SRF: variants seen among roughly 807,000 people sequenced by gnomAD.
The protein encoded by SRF is c-fos serum response element-binding transcription factor.
SRF carries 7 observed loss-of-function variants against 37.1 expected under a neutral mutation model. That is an observed-to-expected ratio of 0.19 (90% confidence interval 0.11 to 0.35). The LOEUF is 0.35. SRF is among the 10% of genes least tolerant of loss of function. SRF has a pLI of 1.00. For synonymous variants in SRF, 285 were observed against 310.1 expected (o/e 0.92, Z 0.85); for missense variants, 395 against 694.4 (o/e 0.57, Z 4.85).
In SRF at chr6:43,172,499, A is replaced by G. The variant is rs920126004; in HGVS notation, c.513+330A>G. On this transcript the variant is annotated intron_variant, in intron 1 of 6. Transcript: ENST00000265354. This position sits in a 1 kb window ranked among gnomAD's most constrained non-coding sequence, Gnocchi z 5.7. ...TACGAGGCTGCCGGGGAGGTGGATA[A>G]TGAGAACCCGGGATCAGTAGGTCCA... 2.9e-5 allele frequency: 28 copies of G among 980,376 alleles called. No homozygotes were observed. The highest frequency in any genetic ancestry group is 3.4e-5 in the Non-Finnish European group (28 of 825,486). 60.7% of individuals were successfully genotyped at this position (980,376 alleles called of 1,614,324 possible).
chr6:43,178,229 TA>T lies in SRF; in HGVS notation c.1163-64del. 2 of 1,479,140 alleles carry T rather than the reference TA, an allele frequency of 1.4e-6. No homozygotes were observed. Among genetic ancestry groups the T allele is most frequent in the Non-Finnish European group, 1.8e-6 (2 of 1,103,542 alleles). The allele number at this position is 1,479,140 out of a possible 1,614,324, so 91.6% of individuals were successfully genotyped here. A position where few individuals can be genotyped will look rare whatever the true frequency, so the allele number is the denominator to read the frequency against. ...GAGGGCTCTGGGGGCCTGGAATTCC[TA>T]GGGACGGAATGGGAGTTATCAGTGG... On this transcript the variant is annotated intron_variant, in intron 4 of 6. Transcript: ENST00000265354. The surrounding 1 kb of genome is among the most constrained non-coding windows in gnomAD (Gnocchi z 4.3).
At position 43,178,225 on chromosome 6, in the gene SRF, T is replaced by C; in HGVS notation, c.1163-69T>C. ...GCAAGAGGGCTCTGGGGGCCTGGAA[T>C]TCCTAGGGACGGAATGGGAGTTATC... On this transcript the variant is annotated intron_variant, in intron 4 of 6. Transcript: ENST00000265354. The surrounding 1 kb of genome is among the most constrained non-coding windows in gnomAD (Gnocchi z 4.3). The C allele has an allele frequency of 6.8e-7, 1 of 1,471,240 alleles. No individual in the cohort carries two copies. Among genetic ancestry groups the C allele is most frequent in the African/African-American group, 1.4e-5 (1 of 71,706 alleles). 91.1% of individuals were successfully genotyped at this position (1,471,240 alleles called of 1,614,324 possible). A position where few individuals can be genotyped will look rare whatever the true frequency, so the allele number is the denominator to read the frequency against.
rs1034424752 is a variant in SRF at position 43,172,912 on chromosome 6, T to C, written c.513+743T>C. On this transcript the variant is annotated intron_variant, in intron 1 of 6. Coordinates refer to ENST00000265354, the MANE Select transcript of SRF (RefSeq NM_003131.4). The surrounding 1 kb of genome is among the most constrained non-coding windows in gnomAD (Gnocchi z 5.7). ...AGTCAGGGAGGCTTGCAGAGGTACC[T>C]AGGAATTCCTCTTCTGCCAGCCAGT... Among the ~76,000 whole-genome samples, 1 of 152,088 alleles carries C rather than the reference T, an allele frequency of 6.6e-6. No individual in the cohort carries two copies. Among genetic ancestry groups the C allele is most frequent in the African/African-American group, 2.4e-5 (1 of 41,402 alleles).
Position 43,176,605 on chromosome 6 carries a change from A to C in SRF, c.1100A>C (p.Gln367Pro), listed in dbSNP as rs1290668982. Residue 367 changes from glutamine (Q) to proline (P), a missense_variant, in exon 4 of 7, where the codon CAG becomes CCG. By Grantham distance (76) the Gln-to-Pro change is moderately conservative. This residue lies in a region of SRF where 232 missense variants were observed against 335.6 expected (regional missense o/e 0.69). Coordinates refer to ENST00000265354, the MANE Select transcript of SRF (RefSeq NM_003131.4). This position sits in a 1 kb window ranked among gnomAD's most constrained non-coding sequence, Gnocchi z 4.0. ...VQAIQVHQAP[Q>P]QASPSRDSST... The stretch of plus-strand genomic sequence containing the variant: ...GCCATTCAAGTGCACCAGGCCCCAC[A>C]GCAAGCGTCTCCCTCCCGTGACAGC... The C allele has an allele frequency of 1.2e-6, 2 of 1,614,076 alleles. No individual in the cohort carries two copies.
At chr6:43,177,587 T>G (rs1772227120) in intron 4 of SRF, among the ~76,000 whole-genome samples, 1 of 150,724 alleles carries the variant, frequency 6.6e-6, no homozygotes, top group Non-Finnish European at 1.5e-5. Flanking sequence ...TGAGAAGTGC[T>G]TGTTTGAAAG....
Position 43,176,800 on chromosome 6 carries a change from A to G in SRF, c.1162+133A>G. On this transcript the variant is annotated intron_variant, in intron 4 of 6. Coordinates refer to ENST00000265354, the MANE Select transcript of SRF (RefSeq NM_003131.4). The surrounding 1 kb of genome is among the most constrained non-coding windows in gnomAD (Gnocchi z 4.0). ...AGTGGAGATTGAGGCTTTGGGCCTA[A>G]TAATTATGGGGAAGTCAGGTGAGGA... The G allele has an allele frequency of 7.4e-7, 1 of 1,346,852 alleles. No homozygotes were observed. Among genetic ancestry groups the G allele is most frequent in the Non-Finnish European group, 1.0e-6 (1 of 990,438 alleles). 83.4% of individuals were successfully genotyped at this position (1,346,852 alleles called of 1,614,324 possible).
In SRF at chr6:43,174,048, A is replaced by T. The variant is rs560386274; in HGVS notation, c.715A>T (p.Thr239Ser). The T allele has an allele frequency of 6.5e-5, 105 of 1,614,076 alleles. 1 individual carries two copies. The Admixed American group carries it at 1.7e-3, about 27-fold the overall frequency. Residue 239 changes from threonine to serine, a missense_variant, in exon 2 of 7, where the codon ACT (threonine) becomes TCT (serine). By Grantham distance (58) the Thr-to-Ser change is moderately conservative. Transcript: ENST00000265354. ...DPTTDQRMSA[T>S]GFEETDLTYQ... ...CACAACAGACCAGAGAATGAGTGCC[A>T]CTGGCTTTGAAGAGACAGATCTCAC...
intron 4 of SRF, among the ~76,000 whole-genome samples, chr6:43,177,506 A>G (rs913730869): frequency 1.3e-5 from 2 of 151,230 alleles, no homozygotes; most frequent in South Asian, 4.2e-4. Flanking sequence ...CTGGGATTAC[A>G]GGCCTGAGCC....
chr6:43,177,451 C>T (rs569888837), intron 4 of SRF, among the ~76,000 whole-genome samples: 114 of 150,954 alleles, frequency 7.6e-4, no homozygotes, highest in African/African-American at 2.7e-3. Flanking sequence ...AGGATGGTCT[C>T]GATCTCCTGA....
intron 2 of SRF, among the ~76,000 whole-genome samples, chr6:43,175,457 G>A (rs1193480809): frequency 6.6e-6 from 1 of 152,178 alleles, no homozygotes; most frequent in East Asian, 1.9e-4. Flanking sequence ...TTTTCTAAGT[G>A]ATTTACATAT....
chr6:43,178,174 G>A lies in SRF; in HGVS notation c.1163-120G>A, dbSNP rs1582256797. ...TTGATGATGGAGCTGAGGAATAGTC[G>A]TGTCTAGCTTCTGACCTGGGAAATG... is the stretch of plus-strand genomic sequence containing the variant. On this transcript the variant is annotated intron_variant, in intron 4 of 6. Coordinates refer to ENST00000265354, the MANE Select transcript of SRF (RefSeq NM_003131.4). The surrounding 1 kb of genome is among the most constrained non-coding windows in gnomAD (Gnocchi z 4.3). 7 of 967,954 alleles carry A rather than the reference G, an allele frequency of 7.2e-6. No homozygotes were observed. The highest frequency in any genetic ancestry group is 3.0e-5 in the Admixed American group (1 of 33,292). 60.0% of individuals were successfully genotyped at this position (967,954 alleles called of 1,614,324 possible).
Position 43,173,774 on chromosome 6 carries a change from C to T in SRF, c.514-73C>T. The stretch of plus-strand genomic sequence containing the variant: ...GGGGGAATGACATCACTGTATAATT[C>T]TTTTTCCAACTTCTCAAGGAAGGTA... On this transcript the variant is annotated intron_variant, in intron 1 of 6. Coordinates refer to ENST00000265354, the MANE Select transcript of SRF (RefSeq NM_003131.4). The surrounding 1 kb of genome is among the most constrained non-coding windows in gnomAD (Gnocchi z 4.2). 4 of 1,552,126 alleles carry T rather than the reference C, an allele frequency of 2.6e-6. No individual in the cohort carries two copies. Among genetic ancestry groups the T allele is most frequent in the Non-Finnish European group, 3.5e-6 (4 of 1,146,894 alleles).
rs1772276944 is a variant in SRF, at chr6:43,179,898, T to A, written c.*708T>A. The A allele has an allele frequency of 6.6e-6, 1 of 152,628 alleles. No homozygotes were observed. Among genetic ancestry groups the A allele is most frequent in the Admixed American group, 6.5e-5 (1 of 15,294 alleles). The allele number at this position is 152,628 out of a possible 1,614,324, so 9.5% of individuals were successfully genotyped here. On this transcript the variant is annotated 3_prime_UTR_variant, in exon 7 of 7. Transcript: ENST00000265354. The surrounding 1 kb of genome is among the most constrained non-coding windows in gnomAD (Gnocchi z 5.3). ...GCTTTACTTAAAGTTGATTTTGAACTTTTTATTTGAGGAGACGAAGTGAAA... is the reference window on the plus strand; with the variant it reads ...GCTTTACTTAAAGTTGATTTTGAACATTTTATTTGAGGAGACGAAGTGAAA...
At position 43,172,201 on chromosome 6, in the gene SRF, G is replaced by T. The variant is rs749863011; in HGVS notation, c.513+32G>T. 8 of 1,594,216 alleles carry T rather than the reference G, an allele frequency of 5.0e-6. No homozygotes were observed. The South Asian group carries it at 6.7e-5, about 13-fold the overall frequency. On this transcript the variant is annotated intron_variant, in intron 1 of 6. Transcript: ENST00000265354. The surrounding 1 kb of genome is among the most constrained non-coding windows in gnomAD (Gnocchi z 5.7). ...AGCCGGGGGGCTGGCCGGCCCCGGG[G>T]CCCGGTTGGGGTGGGGATGTGCAAA...
Position 43,179,280 on chromosome 6 carries a change from G to A in SRF, c.*90G>A. The A allele has an allele frequency of 7.2e-7, 1 of 1,387,668 alleles. No individual in the cohort carries two copies. The highest frequency in any genetic ancestry group is 1.0e-6 in the Non-Finnish European group (1 of 996,044). The allele number at this position is 1,387,668 out of a possible 1,614,324, so 86.0% of individuals were successfully genotyped here. A position where few individuals can be genotyped will look rare whatever the true frequency, so the allele number is the denominator to read the frequency against. On this transcript the variant is annotated 3_prime_UTR_variant, in exon 7 of 7. Coordinates refer to ENST00000265354, the MANE Select transcript of SRF (RefSeq NM_003131.4). This position sits in a 1 kb window ranked among gnomAD's most constrained non-coding sequence, Gnocchi z 5.3. ...CGTTTTCTTTACACACACGTTGACG[G>A]GCCGCAGGAGGGAGGCGGGGAGGAG...
At position 43,179,568 on chromosome 6, in the gene SRF, A is replaced by C. The variant is rs1169316594; in HGVS notation, c.*378A>C. The C allele has an allele frequency of 7.3e-6, 2 of 272,450 alleles. No individual in the cohort carries two copies. The highest frequency in any genetic ancestry group is 1.4e-5 in the Non-Finnish European group (2 of 138,364). 16.9% of individuals were successfully genotyped at this position (272,450 alleles called of 1,614,324 possible). ...TGGGCACCGTGTCCTCCTCTGAGGA[A>C]GCAGTTGGGGCCCTCTTGCCAGCCT... On this transcript the variant is annotated 3_prime_UTR_variant, in exon 7 of 7. Transcript: ENST00000265354. This position sits in a 1 kb window ranked among gnomAD's most constrained non-coding sequence, Gnocchi z 5.3.
rs1054604538 is a variant in SRF, at chr6:43,178,590, T to A, written c.1354+105T>A. 8 of 1,413,912 alleles carry A rather than the reference T, an allele frequency of 5.7e-6. No homozygotes were observed. Among genetic ancestry groups the A allele is most frequent in the African/African-American group, 2.8e-5 (2 of 70,708 alleles). 87.6% of individuals were successfully genotyped at this position (1,413,912 alleles called of 1,614,324 possible). ...ATGCACTGATGCCTACAAATATTTC[T>A]ACCCAAATACAACACAGACTTGGAT... On this transcript the variant is annotated intron_variant, in intron 5 of 6. Transcript: ENST00000265354. This position sits in a 1 kb window ranked among gnomAD's most constrained non-coding sequence, Gnocchi z 4.3.
chr6:43,173,191 G>A lies in SRF; in HGVS notation c.514-656G>A, dbSNP rs982936545. On this transcript the variant is annotated intron_variant, in intron 1 of 6. Coordinates refer to ENST00000265354, the MANE Select transcript of SRF (RefSeq NM_003131.4). The surrounding 1 kb of genome is among the most constrained non-coding windows in gnomAD (Gnocchi z 4.2). ...GATGTTTAGTGCTAATCTAGGTCTC[G>A]TCTCCCATCACTCCAGACACTGTTG... is the stretch of plus-strand genomic sequence containing the variant. Among the ~76,000 whole-genome samples, 1 of 152,090 alleles carries A rather than the reference G, an allele frequency of 6.6e-6. No homozygotes were observed. Among genetic ancestry groups the A allele is most frequent in the Non-Finnish European group, 1.5e-5 (1 of 68,024 alleles).
intron 2 of SRF, among the ~76,000 whole-genome samples, chr6:43,174,620 G>A (rs1221828562): frequency 1.3e-5 from 2 of 152,238 alleles, no homozygotes; most frequent in African/African-American, 4.8e-5. Flanking sequence ...AGGGATGCCT[G>A]CGCTGTTACT....
Sources: allele counts gnomAD v4.1 joint callset (sites outside exome capture counted in the v4.1 genomes callset), GRCh38; gene constraint gnomAD v4.1.1; regional missense constraint gnomAD v4.1.1; non-coding constraint Gnocchi (gnomAD v3.1); transcripts MANE v1.5; gene names NCBI Gene and HGNC (gene_info 2026-07-23, HGNC 2026-07-21).